The following MARCHF3 variants were observed in gnomAD, a reference collection of about 807,000 sequenced individuals.
The protein encoded by MARCHF3 is membrane associated ring-CH-type finger 3.
MARCHF3 carries 13 observed loss-of-function variants against 24.2 expected under a neutral mutation model. That is an observed-to-expected ratio of 0.54 (90% CI 0.35 to 0.85). MARCHF3 has a LOEUF of 0.85. MARCHF3 is among the 40% of genes least tolerant of loss of function. The pLI is 0.01. For synonymous variants in MARCHF3, 144 were observed against 137.3 expected (o/e 1.05, Z -0.34); for missense variants, 276 against 325.0 (o/e 0.85, Z 1.16).
chr5:126,929,107 C>T (rs560521758), intron 1 of MARCHF3, among the ~76,000 whole-genome samples: 3 of 152,200 alleles, frequency 2.0e-5, no homozygotes, highest in Non-Finnish European at 4.4e-5. Context: ...TCAGTCACAT[C>T]GGCCTCTCCC....
At chr5:126,906,927 T>A (rs1188710050) in intron 3 of MARCHF3, among the ~76,000 whole-genome samples, 2 of 151,956 alleles carry the variant, frequency 1.3e-5, no homozygotes, top group African/African-American at 2.4e-5. Context: ...CAATTTTGGA[T>A]CTTTCCTGCT....
chr5:126,966,582 C>A (rs1480913427), intron 1 of MARCHF3, among the ~76,000 whole-genome samples: 1 of 151,944 alleles, frequency 6.6e-6, no homozygotes, highest in Non-Finnish European at 1.5e-5. Flanking sequence ...GATTTTTAAA[C>A]CATCTTTTGG....
At chr5:127,025,965 A>C (rs1029016476) in intron 1 of MARCHF3, among the ~76,000 whole-genome samples, 1 of 152,204 alleles carries the variant, frequency 6.6e-6, no homozygotes, top group African/African-American at 2.4e-5. Flanking sequence ...AGATGTTAAG[A>C]GGGCAGACTG....
rs117343518 is a variant in MARCHF3, at chr5:126,916,509, C to A, written c.189-1375G>T. Among the ~76,000 whole-genome samples the A allele has an allele frequency of 1.8e-4, 28 of 152,216 alleles. No individual in the cohort carries two copies. The East Asian group carries it at 5.2e-3, about 28-fold the overall frequency. ...AGGAGATCAAAAAAGGAAAGGATCT[C>A]CCTCCCACTAGCCTGAAAGGCCTAC... is the stretch of plus-strand genomic sequence containing the variant. On this transcript the variant is annotated intron_variant, in intron 2 of 4. Transcript: ENST00000308660.
chr5:127,016,332 C>T (rs1046034373), intron 1 of MARCHF3, among the ~76,000 whole-genome samples: 1 of 152,038 alleles, frequency 6.6e-6, no homozygotes, highest in African/African-American at 2.4e-5. Context: ...GCACAATCTA[C>T]AGAATGGGAG....
chr5:126,992,970 C>G (rs926397177), intron 1 of MARCHF3, among the ~76,000 whole-genome samples: 4 of 152,102 alleles, frequency 2.6e-5, no homozygotes, highest in Non-Finnish European at 5.9e-5. Flanking sequence ...GACGGGGTTT[C>G]CCCGTGTTAG....
chr5:126,877,534 G>T (rs984696331), intron 4 of MARCHF3, among the ~76,000 whole-genome samples: 1 of 152,104 alleles, frequency 6.6e-6, no homozygotes, highest in African/African-American at 2.4e-5. Flanking sequence ...AAAGTTAAAA[G>T]AATGAAAAAA....
chr5:126,951,915 C>T (rs1199730894), intron 1 of MARCHF3, among the ~76,000 whole-genome samples: 1 of 152,034 alleles, frequency 6.6e-6, no homozygotes, highest in Admixed American at 6.5e-5. Context: ...GGCACTATCT[C>T]GGCTCACTGC....
intron 1 of MARCHF3, among the ~76,000 whole-genome samples, chr5:126,975,115 C>T (rs746295623): frequency 1.1e-4 from 17 of 152,142 alleles, no homozygotes; most frequent in Non-Finnish European, 2.1e-4. Flanking sequence ...TGCCACCACA[C>T]CCAGCTAATT....
intron 1 of MARCHF3, among the ~76,000 whole-genome samples, chr5:126,955,938 A>G (rs898950894): frequency 2.6e-5 from 4 of 152,184 alleles, no homozygotes; most frequent in Non-Finnish European, 5.9e-5. Flanking sequence ...TTTTTCACTC[A>G]GGCCCTTAAT....
intron 1 of MARCHF3, among the ~76,000 whole-genome samples, chr5:127,014,387 A>T (rs1351298716): frequency 6.6e-6 from 1 of 152,206 alleles, no homozygotes; most frequent in African/African-American, 2.4e-5. Context: ...CATTATCAAC[A>T]GCAGTATAGA....
intron 1 of MARCHF3, among the ~76,000 whole-genome samples, chr5:126,964,651 G>A (rs1374686591): frequency 6.6e-6 from 1 of 152,198 alleles, no homozygotes; most frequent in East Asian, 1.9e-4. Context: ...AGAGGTCAGG[G>A]AAATTTCACA....
chr5:126,918,239 C>T lies in MARCHF3; in HGVS notation c.-56-12G>A. ...TACAGGATTTCCATCTAAGAGAGAT[C>T]AGAAAACAGTTTACTTGGGCAGGGT... is the stretch of plus-strand genomic sequence containing the variant. On this transcript the variant is annotated splice_polypyrimidine_tract_variant and intron_variant, in intron 1 of 4. Transcript: ENST00000308660. 1.3e-6 allele frequency: 2 copies of T among 1,487,700 alleles called. No individual in the cohort carries two copies. The highest frequency in any genetic ancestry group is 1.8e-6 in the Non-Finnish European group (2 of 1,115,058). 92.2% of individuals were successfully genotyped at this position (1,487,700 alleles called of 1,614,324 possible).
rs1313940679 is a variant in MARCHF3 at position 126,868,230 on chromosome 5, AG to A, written c.*2402del. 1 of 152,114 alleles carries A rather than the reference AG, an allele frequency of 6.6e-6. No homozygotes were observed. The highest frequency in any genetic ancestry group is 2.4e-5 in the African/African-American group (1 of 41,412). The allele number at this position is 152,114 out of a possible 1,614,324, so 9.4% of individuals were successfully genotyped here. The stretch of plus-strand genomic sequence containing the variant: ...GCCCTTTCCATGGGGCAAGGCTTGG[AG>A]GGGATGAAATATCCTCCAAGAGTTC... On this transcript the variant is annotated 3_prime_UTR_variant, in exon 5 of 5. Coordinates refer to ENST00000308660, the MANE Select transcript of MARCHF3 (RefSeq NM_178450.5).
chr5:126,967,616 C>T (rs1314147956), intron 1 of MARCHF3, among the ~76,000 whole-genome samples: 1 of 152,142 alleles, frequency 6.6e-6, no homozygotes, highest in Non-Finnish European at 1.5e-5. Context: ...TTGCTTGAAC[C>T]CAGGAGGCGG....
chr5:126,934,815 GA>G (rs1471954268), intron 1 of MARCHF3, among the ~76,000 whole-genome samples: 2 of 152,176 alleles, frequency 1.3e-5, no homozygotes, highest in Admixed American at 1.3e-4. Flanking sequence ...TGAAAGTGTA[GA>G]AAAGGAGGAT....
chr5:126,989,395 C>A (rs185600688), intron 1 of MARCHF3, among the ~76,000 whole-genome samples: 10 of 151,994 alleles, frequency 6.6e-5, no homozygotes, highest in African/African-American at 2.4e-4. Context: ...GGTTTAGAGG[C>A]TAAAGCAGTA....
chr5:126,927,026 G>A (rs1561431874), intron 1 of MARCHF3, among the ~76,000 whole-genome samples: 1 of 152,034 alleles, frequency 6.6e-6, no homozygotes, highest in Non-Finnish European at 1.5e-5. Context: ...CATCTGCTTT[G>A]ATAGTCTTGT....
rs1046970691 is a variant in MARCHF3 at position 126,915,239 on chromosome 5, T to A, written c.189-105A>T. Reference sequence around the variant, plus strand: ...TTGGGCCCTCCCCAGAGGCAGCTGCTTTAAGACCTCTTAGATCTACACTTG... The same window carrying A: ...TTGGGCCCTCCCCAGAGGCAGCTGCATTAAGACCTCTTAGATCTACACTTG... On this transcript the variant is annotated intron_variant, in intron 2 of 4. Coordinates refer to ENST00000308660, the MANE Select transcript of MARCHF3 (RefSeq NM_178450.5). 7 of 1,005,758 alleles carry A rather than the reference T, an allele frequency of 7.0e-6. No homozygotes were observed. The African/African-American group carries it at 1.3e-4, about 19-fold the overall frequency. The allele number at this position is 1,005,758 out of a possible 1,614,324, so 62.3% of individuals were successfully genotyped here.
Sources: gnomAD v4.1 joint callset for allele counts (sites outside exome capture counted in the v4.1 genomes callset) on GRCh38, gnomAD v4.1.1 for gene constraint, MANE v1.5 for transcripts, NCBI Gene and HGNC (gene_info 2026-07-23, HGNC 2026-07-21) for gene names.